Variants in SEMA5A observed in about 807,000 individuals in gnomAD.
SEMA5A encodes semaphorin 5A, also known as semaphorin-5A.
SEMA5A carries 55 observed loss-of-function variants against 135.5 expected under a neutral mutation model. That is an observed-to-expected ratio of 0.41 (90% CI 0.33 to 0.51). The LOEUF (loss-of-function observed/expected upper bound fraction) is 0.51, where lower values mean the gene tolerates loss of function less well. SEMA5A is among the 20% of genes least tolerant of loss of function. The pLI is 0.37. For missense variants in SEMA5A, 1,290 were observed against 1,419.9 expected (o/e 0.91, Z 1.47); for synonymous variants, 580 against 546.5 (o/e 1.06, Z -0.85).
chr5:9,293,798 G>A (rs551776804), intron 5 of SEMA5A, among the ~76,000 whole-genome samples: 2 of 152,276 alleles, frequency 1.3e-5, no homozygotes, highest in South Asian at 4.1e-4. Flanking sequence ...TAATGTTTAG[G>A]CTAGAGGTGG....
At chr5:9,140,533 T>A (rs953442152) in intron 12 of SEMA5A, among the ~76,000 whole-genome samples, 9 of 152,194 alleles carry the variant, frequency 5.9e-5, no homozygotes, top group Admixed American at 2.0e-4. Context: ...GGGTGAGCGC[T>A]AAGAGTCCTT....
intron 3 of SEMA5A, among the ~76,000 whole-genome samples, chr5:9,368,178 C>A (rs867341801): frequency 6.6e-6 from 1 of 152,186 alleles, no homozygotes; most frequent in African/African-American, 2.4e-5. Context: ...CACACATACA[C>A]ACACCTAGGT....
intron 3 of SEMA5A, among the ~76,000 whole-genome samples, chr5:9,369,142 C>T (rs1217295824): frequency 6.6e-6 from 1 of 152,110 alleles, no homozygotes; most frequent in Admixed American, 6.5e-5. Flanking sequence ...GTCTAAATTG[C>T]TAGTCCATTT....
intron 9 of SEMA5A, 152 bp from the exon 10 acceptor site, chr5:9,197,455 G>T: frequency 1.1e-6 from 1 of 904,930 alleles, no homozygotes; most frequent in Non-Finnish European, 1.6e-6. Flanking sequence ...AAGTCAGAGC[G>T]TGAATGGGGC....
At chr5:9,467,755 G>T (rs1294812124) in intron 1 of SEMA5A, among the ~76,000 whole-genome samples, 2 of 152,188 alleles carry the variant, frequency 1.3e-5, no homozygotes, top group Non-Finnish European at 2.9e-5. Flanking sequence ...GAAGGTCTAG[G>T]CAGGCCTAAG....
At chr5:9,256,542 A>G (rs1275862818) in intron 5 of SEMA5A, among the ~76,000 whole-genome samples, 1 of 152,240 alleles carries the variant, frequency 6.6e-6, no homozygotes, top group African/African-American at 2.4e-5. Flanking sequence ...CAAGAACTTC[A>G]TAAATACTTT....
chr5:9,151,520 C>T (rs1239928617), intron 12 of SEMA5A, among the ~76,000 whole-genome samples: 3 of 152,090 alleles, frequency 2.0e-5, no homozygotes, highest in Non-Finnish European at 4.4e-5. Context: ...AAAAACCCCA[C>T]AATTTTTCCT....
chr5:9,045,335 T>C (rs1285617137), intron 21 of SEMA5A, among the ~76,000 whole-genome samples: 3 of 152,224 alleles, frequency 2.0e-5, no homozygotes, highest in African/African-American at 4.8e-5. Context: ...GCAGCTACTT[T>C]TCTAATCTAC....
chr5:9,050,227 G>A (rs954994257), intron 21 of SEMA5A, among the ~76,000 whole-genome samples, 183 bp downstream of exon 21: 5 of 152,136 alleles, frequency 3.3e-5, no homozygotes, highest in Non-Finnish European at 7.4e-5. Flanking sequence ...GAGAACCACC[G>A]ATCGGTACAT....
At chr5:9,388,260 A>C (rs1209255708) in intron 2 of SEMA5A, among the ~76,000 whole-genome samples, 1 of 152,208 alleles carries the variant, frequency 6.6e-6, no homozygotes, top group East Asian at 1.9e-4. Flanking sequence ...ATCTCCCTTC[A>C]AAGGGAATTG....
intron 16 of SEMA5A, among the ~76,000 whole-genome samples, chr5:9,080,407 AG>A: frequency 6.6e-6 from 1 of 151,954 alleles, no homozygotes; most frequent in Non-Finnish European, 1.5e-5. Flanking sequence ...GGGGGTGGCT[AG>A]GGGAGGTATA....
intron 12 of SEMA5A, among the ~76,000 whole-genome samples, chr5:9,137,822 A>G (rs1289466634): frequency 6.6e-6 from 1 of 152,232 alleles, no homozygotes; most frequent in Non-Finnish European, 1.5e-5. Flanking sequence ...TTAAAACACC[A>G]AATGTATTAA....
In SEMA5A at chr5:9,394,829, G is replaced by A. The variant is rs542781982; in HGVS notation, c.-77-14806C>T. 3.9e-5 allele frequency among the ~76,000 whole-genome samples: 6 copies of A among 152,144 alleles called. 1 individual carries two copies. The East Asian group carries it at 1.2e-3, about 29-fold the overall frequency. ...TATTAAATATTATACAGCTTATTAA[G>A]CCAATGTAGTAAAACTCTATATACT... On this transcript the variant is annotated intron_variant, in intron 2 of 22. Coordinates refer to ENST00000382496, the MANE Select transcript of SEMA5A (RefSeq NM_003966.3).
intron 4 of SEMA5A, among the ~76,000 whole-genome samples, chr5:9,327,396 C>T (rs1192917864): frequency 6.6e-6 from 1 of 152,102 alleles, no homozygotes; most frequent in Non-Finnish European, 1.5e-5. Flanking sequence ...CTCCCAGAAT[C>T]ATATTAACTT....
intron 13 of SEMA5A, among the ~76,000 whole-genome samples, chr5:9,126,330 G>A (rs1004391936): frequency 1.3e-5 from 2 of 152,118 alleles, no homozygotes; most frequent in African/African-American, 4.8e-5. Context: ...CTCATTACCT[G>A]AGCCCAAGGT....
intron 1 of SEMA5A, among the ~76,000 whole-genome samples, chr5:9,528,781 G>A (rs1249433566): frequency 6.6e-6 from 1 of 152,180 alleles, no homozygotes; most frequent in African/African-American, 2.4e-5. Context: ...AAAATTTTCT[G>A]TATACCAATA....
intron 2 of SEMA5A, among the ~76,000 whole-genome samples, chr5:9,434,425 T>C (rs1554035302): frequency 6.6e-6 from 1 of 152,162 alleles, no homozygotes; most frequent in Non-Finnish European, 1.5e-5. Flanking sequence ...ATTAATGCAC[T>C]TTAAAAATTT....
In SEMA5A at chr5:9,240,443, A is replaced by C. The variant is rs148472228; in HGVS notation, c.271-2553T>G. 6.4e-4 allele frequency among the ~76,000 whole-genome samples: 98 copies of C among 152,118 alleles called. 1 individual carries two copies. In the East Asian group the frequency reaches 0.017, roughly 27 times the overall value. ...GAATTTGAAAAGGAATAGAATGGAG[A>C]AAAGTGGCTTTTCCAGATTATACTA... On this transcript the variant is annotated intron_variant, in intron 5 of 22. Coordinates refer to ENST00000382496, the MANE Select transcript of SEMA5A (RefSeq NM_003966.3).
intron 9 of SEMA5A, 88 bp from the exon 10 acceptor site, chr5:9,197,391 C>G: frequency 6.8e-7 from 1 of 1,473,070 alleles, no homozygotes; most frequent in Admixed American, 2.0e-5. Context: ...CAGCTGTGAC[C>G]TACAGCTTCC....
Sources: gnomAD v4.1 joint callset for allele counts (sites outside exome capture counted in the v4.1 genomes callset) on GRCh38, gnomAD v4.1.1 for gene constraint, MANE v1.5 for transcripts, NCBI Gene and HGNC (gene_info 2026-07-23, HGNC 2026-07-21) for gene names.